SLC16A6: variants seen among roughly 807,000 people sequenced by gnomAD.
SLC16A6 encodes monocarboxylate transporter 7.
Under a neutral mutation model 33.8 loss-of-function variants are expected in SLC16A6, and 15 were observed. The observed-to-expected ratio is 0.44, with a 90% CI of 0.30 to 0.68. The LOEUF (loss-of-function observed/expected upper bound fraction) is 0.68. SLC16A6 is among the 30% of genes least tolerant of loss of function. The pLI is 0.10. For missense variants in SLC16A6, 451 were observed against 661.5 expected (o/e 0.68, Z 3.49); for synonymous variants, 219 against 248.4 (o/e 0.88, Z 1.11).
rs781789964 is a variant in SLC16A6 at position 68,271,319 on chromosome 17, C to G, written c.841G>C (p.Ala281Pro). Reference protein sequence around the residue: ...KTSPRPSEKKAPLLDFSILKE... With the variant: ...KTSPRPSEKKPPLLDFSILKE... ...AAAATGGAGAAGTCTAATAGCGGGG[C>G]TTTCTTTTCGCTTGGCCTGGGGCTG... is the stretch of plus-strand genomic sequence containing the variant. Residue 281 changes from alanine to proline, a missense_variant, in exon 5 of 6, where the codon GCC becomes CCC. Ala to Pro is a conservative substitution (Grantham distance 27, BLOSUM62 -1). Around this residue, in one of 2 missense-constraint regions of SLC16A6, gnomAD observed 405 missense variants for 510.7 expected, o/e 0.79. Coordinates refer to ENST00000580666, the MANE Select transcript of SLC16A6 (RefSeq NM_004694.5). This position sits in a 1 kb window ranked among gnomAD's most constrained non-coding sequence, Gnocchi z 5.3. The G allele has an allele frequency of 6.2e-7, 1 of 1,614,234 alleles. No individual in the cohort carries two copies. Among genetic ancestry groups the G allele is most frequent in the East Asian group, 2.2e-5 (1 of 44,888 alleles).
Position 68,274,052 on chromosome 17 carries a change from A to G in SLC16A6, c.251T>C (p.Leu84Pro). 1 of 1,613,848 alleles carries G rather than the reference A, an allele frequency of 6.2e-7. No homozygotes were observed. The change falls in exon 3 of 6, where the codon CTG (leucine) becomes CCG (proline). Residue 84 changes from leucine to proline, a missense_variant. Physicochemically the swap from Leu to Pro is moderately conservative, Grantham distance 98 (BLOSUM62 -3). Transcript: ENST00000580666. Reference protein sequence around the residue: ...LTFSAPLATVLSNRFGHRLVV... With the variant: ...LTFSAPLATVPSNRFGHRLVV... Reference sequence around the variant, plus strand: ...CAGACGGTGTCCGAAACGATTGCTCAGGACTGTGGCGAGGGGAGCTGCCGG... The same window carrying G: ...CAGACGGTGTCCGAAACGATTGCTCGGGACTGTGGCGAGGGGAGCTGCCGG...
intron 1 of SLC16A6, among the ~76,000 whole-genome samples, chr17:68,281,245 C>CA (rs566494078): frequency 6.6e-6 from 1 of 151,850 alleles, no homozygotes; most frequent in Admixed American, 6.6e-5. Context: ...ATCTTAACAG[C>CA]AAAAAAACTC....
At chr17:68,289,667 C>G (rs2075924301) in intron 1 of SLC16A6, among the ~76,000 whole-genome samples, 1 of 152,214 alleles carries the variant, frequency 6.6e-6, no homozygotes, top group Non-Finnish European at 1.5e-5. Flanking sequence ...CAAACCTAAC[C>G]TGGATAGCTG....
intron 1 of SLC16A6, among the ~76,000 whole-genome samples, chr17:68,286,900 G>T (rs1302093433): frequency 6.6e-6 from 1 of 152,220 alleles, no homozygotes; most frequent in Admixed American, 6.5e-5. Flanking sequence ...AATGCTAGAT[G>T]GTTCTTGCAA....
Position 68,268,831 on chromosome 17 carries a change from C to G in SLC16A6, c.*265G>C, listed in dbSNP as rs2075234786. Reference sequence around the variant, plus strand: ...GTCTTTCTACATATCTCTTGTATTGCTACTGAATACAGCCAGATTTATATA... The same window carrying G: ...GTCTTTCTACATATCTCTTGTATTGGTACTGAATACAGCCAGATTTATATA... On this transcript the variant is annotated 3_prime_UTR_variant, in exon 6 of 6. Coordinates refer to ENST00000580666, the MANE Select transcript of SLC16A6 (RefSeq NM_004694.5). The G allele has an allele frequency of 4.2e-6, 2 of 480,226 alleles. No homozygotes were observed. The highest frequency in any genetic ancestry group is 7.3e-6 in the Non-Finnish European group (2 of 272,472). The allele number at this position is 480,226 out of a possible 1,614,324, so 29.7% of individuals were successfully genotyped here. A position where few individuals can be genotyped will look rare whatever the true frequency, so the allele number is the denominator to read the frequency against.
In SLC16A6 at chr17:68,267,867, G is replaced by T. The variant is rs186242875; in HGVS notation, c.*1229C>A. 6.6e-6 allele frequency: 1 copy of T among 152,136 alleles called. No individual in the cohort carries two copies. Among genetic ancestry groups the T allele is most frequent in the African/African-American group, 2.4e-5 (1 of 41,432 alleles). 9.4% of individuals were successfully genotyped at this position (152,136 alleles called of 1,614,324 possible). On this transcript the variant is annotated 3_prime_UTR_variant, in exon 6 of 6. Transcript: ENST00000580666. The stretch of plus-strand genomic sequence containing the variant: ...AGATGTAAATTGCAACTTGTAACTC[G>T]CTATAACATAATTGTCTCTGTTACC...
intron 1 of SLC16A6, 76 bp from the exon 2 acceptor site, chr17:68,278,403 A>T (rs1257343802): frequency 7.4e-6 from 6 of 811,718 alleles, no homozygotes; most frequent in Non-Finnish European, 1.2e-5. Context: ...TTAAGCAAAC[A>T]ACAGATAAGA....
chr17:68,280,685 T>C (rs1452080531), intron 1 of SLC16A6, among the ~76,000 whole-genome samples: 1 of 152,126 alleles, frequency 6.6e-6, no homozygotes, highest in Non-Finnish European at 1.5e-5. Flanking sequence ...ATAAAACTAC[T>C]AGAAGAAAAC....
intron 1 of SLC16A6, among the ~76,000 whole-genome samples, chr17:68,284,228 C>T (rs895694857): frequency 2.6e-5 from 4 of 151,738 alleles, no homozygotes; most frequent in Non-Finnish European, 4.4e-5. Context: ...TGGTGAAACC[C>T]GGTGTCTGCT....
intron 5 of SLC16A6, among the ~76,000 whole-genome samples, chr17:68,270,620 A>G (rs2075308238): frequency 1.3e-5 from 2 of 151,438 alleles, no homozygotes; most frequent in Admixed American, 6.6e-5. Context: ...TGAATCGACC[A>G]CTAATTTACC....
intron 3 of SLC16A6, among the ~76,000 whole-genome samples, chr17:68,273,581 T>C (rs958055010): frequency 2.0e-5 from 3 of 152,190 alleles, no homozygotes; most frequent in Non-Finnish European, 4.4e-5. Context: ...CATGTTGCAC[T>C]TCCCCTACAG....
intron 1 of SLC16A6, among the ~76,000 whole-genome samples, chr17:68,281,791 A>C (rs527988517): frequency 6.6e-6 from 1 of 152,322 alleles, no homozygotes; most frequent in Non-Finnish European, 1.5e-5. Flanking sequence ...TGCGGAGAAA[A>C]GAACTCTTAT....
chr17:68,271,248 T>C lies in SLC16A6; in HGVS notation c.912A>G (p.Ala304=). ...FICYALFGLF[A]TLGFFAPSLY... ...AGGAAGGTGCAAAGAATCCCAGTGT[T>C]GCAAAGAGACCAAATAATGCATAAC... Residue 304 remains alanine (A), a synonymous_variant, in exon 5 of 6, where the codon GCA becomes GCG. Transcript: ENST00000580666. This position sits in a 1 kb window ranked among gnomAD's most constrained non-coding sequence, Gnocchi z 5.3. 2 of 1,614,180 alleles carry C rather than the reference T, an allele frequency of 1.2e-6. No homozygotes were observed. The highest frequency in any genetic ancestry group is 1.7e-6 in the Non-Finnish European group (2 of 1,180,038).
At chr17:68,284,964 G>A (rs1164736654) in intron 1 of SLC16A6, among the ~76,000 whole-genome samples, 1 of 152,110 alleles carries the variant, frequency 6.6e-6, no homozygotes, top group Non-Finnish European at 1.5e-5. Flanking sequence ...TACACAGCTT[G>A]TATTTATTTT....
intron 2 of SLC16A6, among the ~76,000 whole-genome samples, chr17:68,275,797 T>C (rs868982231): frequency 1.8e-4 from 27 of 151,992 alleles, no homozygotes; most frequent in South Asian, 2.1e-4. Flanking sequence ...CTGGCCAACA[T>C]AGCAAAACCC....
chr17:68,273,848 G>T, intron 3 of SLC16A6, 79 bp downstream of exon 3: 1 of 1,492,888 alleles, frequency 6.7e-7, no homozygotes, highest in Non-Finnish European at 9.1e-7. Flanking sequence ...ATATAGTTTG[G>T]CTTTAATTTC....
At chr17:68,284,143 A>G (rs1347206175) in intron 1 of SLC16A6, among the ~76,000 whole-genome samples, 1 of 149,138 alleles carries the variant, frequency 6.7e-6, no homozygotes, top group Non-Finnish European at 1.5e-5. Flanking sequence ...GCAGTGGCTC[A>G]TGCCTGTAAT....
Position 68,271,275 on chromosome 17 carries a change from A to G in SLC16A6, c.885T>C (p.Ile295=). The G allele has an allele frequency of 6.2e-7, 1 of 1,614,232 alleles. No homozygotes were observed. Among genetic ancestry groups the G allele is most frequent in the Non-Finnish European group, 8.5e-7 (1 of 1,180,042 alleles). Reference sequence around the variant, plus strand: ...CAAAGAGACCAAATAATGCATAACAAATAAAACTTTTCTCTTTCAAAATGG... The same window carrying G: ...CAAAGAGACCAAATAATGCATAACAGATAAAACTTTTCTCTTTCAAAATGG... ...DFSILKEKSF[I]CYALFGLFAT... Residue 295 remains isoleucine, a synonymous_variant, in exon 5 of 6, where the codon ATT becomes ATC. Coordinates refer to ENST00000580666, the MANE Select transcript of SLC16A6 (RefSeq NM_004694.5). This position sits in a 1 kb window ranked among gnomAD's most constrained non-coding sequence, Gnocchi z 5.3.
chr17:68,289,223 G>T (rs562457072), intron 1 of SLC16A6, among the ~76,000 whole-genome samples: 3 of 152,042 alleles, frequency 2.0e-5, no homozygotes, highest in Non-Finnish European at 2.9e-5. Context: ...GCTTGAGCCC[G>T]GGAGGTCGAG....
Sources: gnomAD v4.1 joint callset for allele counts (sites outside exome capture counted in the v4.1 genomes callset) on GRCh38, gnomAD v4.1.1 for gene constraint, gnomAD v4.1.1 regional missense constraint, Gnocchi (gnomAD v3.1) non-coding constraint, MANE v1.5 for transcripts, NCBI Gene and HGNC (gene_info 2026-07-23, HGNC 2026-07-21) for gene names.